Variants in SEC24C observed in about 807,000 individuals in gnomAD.
The protein encoded by SEC24C is protein transport protein Sec24C.
A neutral mutation model predicts 117.0 loss-of-function variants in SEC24C; 22 were observed. That is an observed-to-expected ratio of 0.19 (90% confidence interval 0.13 to 0.27). SEC24C has a LOEUF of 0.27. Among genes scored for constraint, SEC24C ranks in the 10% least tolerant of loss-of-function variants. SEC24C has a pLI of 1.00. For missense variants in SEC24C, 1,155 were observed against 1,375.1 expected, an observed-to-expected ratio of 0.84 and a Z score of 2.53; for synonymous variants, 506 against 529.4, an observed-to-expected ratio of 0.96 and a Z score of 0.61.
intron 2 of SEC24C, 54 bp from the exon 3 acceptor site, chr10:73,751,054 G>A: frequency 6.3e-7 from 1 of 1,581,322 alleles, no homozygotes; most frequent in Non-Finnish European, 8.6e-7. Flanking sequence ...TCCTGGCTCA[G>A]GGTGGAGGAG....
rs576164190 is a variant in SEC24C at position 73,745,883 on chromosome 10, C to T, written c.-28-922C>T. On this transcript the variant is annotated intron_variant, in intron 1 of 22. Coordinates refer to ENST00000345254, the MANE Select transcript of SEC24C (RefSeq NM_198597.3). ...TTGATTTTAATGCTTCGGTTTTGGC[C>T]GGGCGTGGTGGCTCACACCTGTGAT... 2.6e-5 allele frequency among the ~76,000 whole-genome samples: 4 copies of T among 151,302 alleles called. No individual in the cohort carries two copies. In the South Asian group the frequency reaches 6.5e-4, roughly 24 times the overall value.
In SEC24C at chr10:73,771,140, G is replaced by A; in HGVS notation, c.*45G>A. On this transcript the variant is annotated 3_prime_UTR_variant, in exon 23 of 23. Transcript: ENST00000345254. ...TAGGGCCCAGGCTAGCTTCCAGAAA[G>A]CACCCCAGGATGTCAGAGAAATTGG... The A allele has an allele frequency of 3.1e-6, 5 of 1,597,550 alleles. No homozygotes were observed. The highest frequency in any genetic ancestry group is 4.3e-6 in the Non-Finnish European group (5 of 1,172,204).
In SEC24C at chr10:73,763,604, G is replaced by A; in HGVS notation, c.1099+3G>A. The A allele has an allele frequency of 6.8e-7, 1 of 1,465,840 alleles. No individual in the cohort carries two copies. Among genetic ancestry groups the A allele is most frequent in the East Asian group, 2.8e-5 (1 of 35,878 alleles). 90.8% of individuals were successfully genotyped at this position (1,465,840 alleles called of 1,614,324 possible). On this transcript the variant is annotated splice_donor_region_variant and intron_variant, in intron 7 of 22. Transcript: ENST00000345254. ...CAACTTCCTGGTGAAAGACCAAGGT[G>A]AGAATGGAATTAGCTCCTCCCACAG...
rs1297479240 is a variant in SEC24C, at chr10:73,770,026, G to A, written c.2862+11G>A. On this transcript the variant is annotated intron_variant, in intron 20 of 22. Coordinates refer to ENST00000345254, the MANE Select transcript of SEC24C (RefSeq NM_198597.3). ...CGGCTCTTACCTTTGGTGCGATTGA[G>A]GGTTGGAGTATGAGATCTTGCACGG... The A allele has an allele frequency of 7.4e-6, 12 of 1,613,506 alleles. No homozygotes were observed. The highest frequency in any genetic ancestry group is 1.3e-5 in the African/African-American group (1 of 74,916).
rs548728467 is a variant in SEC24C at position 73,769,373 on chromosome 10, A to G, written c.2451A>G (p.Ala817=). 2.0e-5 allele frequency: 33 copies of G among 1,613,986 alleles called. No homozygotes were observed. The South Asian group carries it at 3.1e-4, about 15-fold the overall frequency. Residue 817 remains alanine (A), a synonymous_variant, in exon 18 of 23, where the codon GCA becomes GCG. Transcript: ENST00000345254. This position sits in a 1 kb window ranked among gnomAD's most constrained non-coding sequence, Gnocchi z 4.5. ...GTGCCCTGCTTTACACCAGCTGTGCAGGGCAGCGTCGGCTCCGCATCCATA... is the reference window on the plus strand; with the variant it reads ...GTGCCCTGCTTTACACCAGCTGTGCGGGGCAGCGTCGGCTCCGCATCCATA... ...LQCALLYTSC[A]GQRRLRIHNL... is the part of the protein sequence containing the mutation.
chr10:73,755,540 G>T (rs939820167), intron 3 of SEC24C, among the ~76,000 whole-genome samples: 2 of 151,988 alleles, frequency 1.3e-5, no homozygotes, highest in Non-Finnish European at 1.5e-5. Context: ...AGCTGGGCGC[G>T]GTGGCAGGCT....
chr10:73,760,205 G>C lies in SEC24C; in HGVS notation c.669G>C (p.Leu223=). The change falls in exon 5 of 23, where the codon CTG becomes CTC. Residue 223 remains leucine, a synonymous_variant. Coordinates refer to ENST00000345254, the MANE Select transcript of SEC24C (RefSeq NM_198597.3). ...CCCCAGCTTCAGGGGGTCCTCGGCT[G>C]CCTTCGATGACTGGTCCACTCCTGC... The part of the protein sequence containing the change: ...FTPPASGGPR[L]PSMTGPLLPG... 6.2e-7 allele frequency: 1 copy of C among 1,614,168 alleles called. No individual in the cohort carries two copies. Among genetic ancestry groups the C allele is most frequent in the African/African-American group, 1.3e-5 (1 of 75,046 alleles).
chr10:73,748,838 G>A (rs2082601444), intron 2 of SEC24C, among the ~76,000 whole-genome samples: 1 of 151,946 alleles, frequency 6.6e-6, no homozygotes, highest in Non-Finnish European at 1.5e-5. Flanking sequence ...TGCCTCCCAG[G>A]TTCAAGTGAT....
At position 73,760,848 on chromosome 10, in the gene SEC24C, C is replaced by G; in HGVS notation, c.986C>G (p.Pro329Arg). The change falls in exon 6 of 23, where the codon CCT (proline) becomes CGT (arginine). Residue 329 changes from proline (P) to arginine (R), a missense_variant and splice_region_variant. Coordinates refer to ENST00000345254, the MANE Select transcript of SEC24C (RefSeq NM_198597.3). ...KRLDPDAIPS[P>R]IQVIEDDRNN... is the part of the protein sequence containing the mutation. ...CTGGACCCTGATGCCATCCCAAGCC[C>G]TGTAAGTAGAAACTTTCATGGTCCT... The G allele has an allele frequency of 6.2e-7, 1 of 1,607,302 alleles. No homozygotes were observed. Among genetic ancestry groups the G allele is most frequent in the Non-Finnish European group, 8.5e-7 (1 of 1,177,590 alleles).
At chr10:73,746,090 G>A (rs1302342538) in intron 1 of SEC24C, among the ~76,000 whole-genome samples, 9 of 150,300 alleles carry the variant, frequency 6.0e-5, no homozygotes. Context: ...AACCCAGGAG[G>A]TGAAGGTTGC....
At chr10:73,763,463 C>A in intron 6 of SEC24C, 27 bp from the exon 7 acceptor site, 1 of 1,435,076 alleles carries the variant, frequency 7.0e-7, no homozygotes, top group Non-Finnish European at 9.8e-7. Flanking sequence ...TTTCTTCTGT[C>A]ACCTCATTCA....
In SEC24C at chr10:73,769,285, T is replaced by C. The variant is rs1367478875; in HGVS notation, c.2425-62T>C. 1.9e-6 allele frequency: 3 copies of C among 1,601,570 alleles called. No individual in the cohort carries two copies. Among genetic ancestry groups the C allele is most frequent in the South Asian group, 1.1e-5 (1 of 88,996 alleles). ...GGCTCATTTCTCTCTTCCAGTTTAA[T>C]AGTGTAGCAAAGGGCCTTTGTGAGG... is the stretch of plus-strand genomic sequence containing the variant. On this transcript the variant is annotated intron_variant, in intron 17 of 22. Coordinates refer to ENST00000345254, the MANE Select transcript of SEC24C (RefSeq NM_198597.3). This position sits in a 1 kb window ranked among gnomAD's most constrained non-coding sequence, Gnocchi z 4.5.
Position 73,766,512 on chromosome 10 carries a change from C to T in SEC24C, c.1770C>T (p.Asn590=), listed in dbSNP as rs149206620. 5.0e-6 allele frequency: 8 copies of T among 1,611,964 alleles called. No homozygotes were observed. The highest frequency in any genetic ancestry group is 2.2e-5 in the East Asian group (1 of 44,874). Residue 590 remains asparagine (N), a synonymous_variant, in exon 12 of 23, where the codon AAC becomes AAT. Transcript: ENST00000345254. Reference sequence around the variant, plus strand: ...CACTGCTGGATGGCTTCCTGGTCAACGTCAATGAGTCTCGGGCAGTTATCA... The same window carrying T: ...CACTGCTGGATGGCTTCCTGGTCAATGTCAATGAGTCTCGGGCAGTTATCA... The part of the protein sequence containing the change: ...FVPLLDGFLV[N]VNESRAVITS...
Position 73,763,667 on chromosome 10 carries a change from C to CTTTTTTTTTTTTTTTTT in SEC24C, c.1099+82_1099+98dup, listed in dbSNP as rs71021569. 2.1e-4 allele frequency: 13 copies of CTTTTTTTTTTTTTTTTT among 60,494 alleles called. 2 individuals are homozygous for CTTTTTTTTTTTTTTTTT. The highest frequency in any genetic ancestry group is 3.5e-4 in the South Asian group (2 of 5,796). 3.7% of individuals were successfully genotyped at this position (60,494 alleles called of 1,614,324 possible). On this transcript the variant is annotated intron_variant, in intron 7 of 22. Coordinates refer to ENST00000345254, the MANE Select transcript of SEC24C (RefSeq NM_198597.3). The stretch of plus-strand genomic sequence containing the variant: ...CAAGATTATCAGCTTATGGTTGGGG[C>CTTTTTTTTTTTTTTTTT]TTTTTTTTTTTTTTTTTTTTTTTTT...
intron 3 of SEC24C, chr10:73,752,101 TA>T (rs2082649517): frequency 6.6e-6 from 1 of 152,134 alleles, no homozygotes; most frequent in Non-Finnish European, 1.5e-5. Flanking sequence ...CAGTCATCTC[TA>T]TTAGAGTGCT....
chr10:73,768,989 C>A lies in SEC24C; in HGVS notation c.2279-18C>A. 1 of 1,614,212 alleles carries A rather than the reference C, an allele frequency of 6.2e-7. No individual in the cohort carries two copies. The highest frequency in any genetic ancestry group is 1.1e-5 in the South Asian group (1 of 91,080). ...ACTTGTCATACTTTTTGCCCTGACC[C>A]TGTCCATGTGGCCTCAGGTATCCGT... On this transcript the variant is annotated intron_variant, in intron 16 of 22. Transcript: ENST00000345254.
intron 3 of SEC24C, among the ~76,000 whole-genome samples, chr10:73,753,625 G>A (rs1159200206): frequency 6.6e-6 from 1 of 152,044 alleles, no homozygotes; most frequent in East Asian, 1.9e-4. Flanking sequence ...GTGTGATCTC[G>A]CCACTGCACT....
chr10:73,768,390 A>G (rs1397751691), intron 15 of SEC24C, among the ~76,000 whole-genome samples: 2 of 152,166 alleles, frequency 1.3e-5, no homozygotes, highest in Non-Finnish European at 2.9e-5. Context: ...AAAAGAAGAA[A>G]TAGTGTTGGA....
chr10:73,766,560 A>T lies in SEC24C; in HGVS notation c.1799+19A>T. On this transcript the variant is annotated intron_variant, in intron 12 of 22. Transcript: ENST00000345254. ...TCACCAGGTAAGAGCCAGATTGTGG[A>T]GGTAAAGGTTGGGGGTGGCATGGGT... is the stretch of plus-strand genomic sequence containing the variant. 1.3e-6 allele frequency: 2 copies of T among 1,594,204 alleles called. No individual in the cohort carries two copies. Among genetic ancestry groups the T allele is most frequent in the Non-Finnish European group, 1.7e-6 (2 of 1,172,504 alleles).
Sources: gnomAD v4.1 joint callset for allele counts (sites outside exome capture counted in the v4.1 genomes callset) on GRCh38, gnomAD v4.1.1 for gene constraint, Gnocchi (gnomAD v3.1) non-coding constraint, MANE v1.5 for transcripts, NCBI Gene and HGNC (gene_info 2026-07-23, HGNC 2026-07-21) for gene names.